Variants in DRC8 observed in about 807,000 individuals in gnomAD.
DRC8 encodes the protein dynein regulatory complex protein 8.
At chr1:245,099,319 C>A in the DRC8 span, among the ~76,000 whole-genome samples, 1 of 152,136 alleles carries the variant, frequency 6.6e-6, no homozygotes, top group Non-Finnish European at 1.5e-5. Context: ...GTTGAAGGGA[C>A]TATATCGACA....
At chr1:245,052,071 G>A in the DRC8 span, among the ~76,000 whole-genome samples, 1 of 152,072 alleles carries the variant, frequency 6.6e-6, no homozygotes, top group Non-Finnish European at 1.5e-5. Flanking sequence ...TGATAAGGAC[G>A]TTTTCTGAGA....
chr1:245,012,676 T>C, the DRC8 span, among the ~76,000 whole-genome samples: 1 of 152,088 alleles, frequency 6.6e-6, no homozygotes, highest in Non-Finnish European at 1.5e-5. Flanking sequence ...CCTCAAAATA[T>C]GTAATATTTA....
chr1:245,078,410 C>T, the DRC8 span, among the ~76,000 whole-genome samples: 1 of 152,076 alleles, frequency 6.6e-6, no homozygotes, highest in African/African-American at 2.4e-5. Context: ...TTCACAGTAG[C>T]TAAGATATGG....
chr1:245,088,919 G>A, the DRC8 span, among the ~76,000 whole-genome samples: 1 of 152,168 alleles, frequency 6.6e-6, no homozygotes, highest in African/African-American at 2.4e-5. The surrounding 1 kb of genome is among the most constrained non-coding windows in gnomAD (Gnocchi z 4.6). Context: ...AGGTGAAATT[G>A]GAGTGGTAAA....
the DRC8 span, among the ~76,000 whole-genome samples, chr1:244,974,911 C>T: frequency 6.6e-6 from 1 of 151,706 alleles, no homozygotes; most frequent in Non-Finnish European, 1.5e-5. Context: ...CTACGCTGGT[C>T]TCAAACTCTT....
At chr1:244,975,085 C>G in the DRC8 span, among the ~76,000 whole-genome samples, 1 of 152,146 alleles carries the variant, frequency 6.6e-6, no homozygotes, top group African/African-American at 2.4e-5. Flanking sequence ...TGCCTGCCAC[C>G]ACGCCCGGCT....
the DRC8 span, among the ~76,000 whole-genome samples, chr1:244,995,773 A>G: frequency 0.083 from 12,695 of 152,234 alleles, 618 homozygotes; most frequent in African/African-American, 0.13. Context: ...ACAGGTGACA[A>G]TGTTGCAAAA....
chr1:245,015,966 T>A, the DRC8 span, among the ~76,000 whole-genome samples: 1 of 79,540 alleles, frequency 1.3e-5, no homozygotes, highest in Non-Finnish European at 2.2e-5. Flanking sequence ...CCTACAGGGC[T>A]TTTTTTTTTT....
At chr1:245,000,262 C>T in the DRC8 span, among the ~76,000 whole-genome samples, 1 of 152,146 alleles carries the variant, frequency 6.6e-6, no homozygotes, top group East Asian at 1.9e-4. Flanking sequence ...CTGTACTCAC[C>T]CTTCTTGTGA....
the DRC8 span, among the ~76,000 whole-genome samples, chr1:245,085,871 T>C: frequency 6.6e-3 from 1,007 of 152,326 alleles, 14 homozygotes; most frequent in African/African-American, 0.023. Context: ...GGACTGTCTG[T>C]GGCAGGATCC....
At chr1:245,092,453 C>A in the DRC8 span, among the ~76,000 whole-genome samples, 1 of 152,192 alleles carries the variant, frequency 6.6e-6, no homozygotes, top group African/African-American at 2.4e-5. Context: ...AGTGTCACTA[C>A]CTTACCCTCC....
the DRC8 span, among the ~76,000 whole-genome samples, chr1:245,009,180 C>T: frequency 6.6e-6 from 1 of 151,630 alleles, no homozygotes; most frequent in Non-Finnish European, 1.5e-5. Context: ...GGATTACAGG[C>T]TCGCACCACC....
chr1:245,000,520 G>A, the DRC8 span, among the ~76,000 whole-genome samples: 2 of 152,046 alleles, frequency 1.3e-5, no homozygotes, highest in African/African-American at 4.8e-5. Flanking sequence ...GGTGGTTCAA[G>A]CCTGTAATCC....
At chr1:244,984,671 C>T in the DRC8 span, among the ~76,000 whole-genome samples, 2 of 151,952 alleles carry the variant, frequency 1.3e-5, no homozygotes, top group African/African-American at 4.8e-5. Flanking sequence ...CCTGTCTCTA[C>T]TAAAAGTATA....
the DRC8 span, among the ~76,000 whole-genome samples, chr1:245,077,264 C>T: frequency 6.6e-6 from 1 of 151,808 alleles, no homozygotes; most frequent in Non-Finnish European, 1.5e-5. Flanking sequence ...CATGATTAAA[C>T]ATCTACCCTA....
chr1:244,972,800 A>G, the DRC8 span, among the ~76,000 whole-genome samples: 1 of 150,434 alleles, frequency 6.6e-6, no homozygotes, highest in African/African-American at 2.5e-5. Context: ...CTGGCGACAG[A>G]GTAAGACTCC....
chr1:244,969,803 A>G, the DRC8 span: 1 of 333,550 alleles, frequency 3.0e-6, no homozygotes, highest in Non-Finnish European at 5.4e-6. Context: ...AGGACGGTGA[A>G]GACTGGACGG....
the DRC8 span, among the ~76,000 whole-genome samples, chr1:245,066,620 A>G: frequency 2.6e-5 from 4 of 152,132 alleles, no homozygotes; most frequent in Admixed American, 2.6e-4. Context: ...ACTTATAATC[A>G]TAATAGGCCA....
the DRC8 span, among the ~76,000 whole-genome samples, chr1:245,021,874 T>C: frequency 7.2e-5 from 11 of 152,208 alleles, no homozygotes; most frequent in Admixed American, 5.2e-4. Flanking sequence ...AAGCTCTCTT[T>C]ATGTTGCCCA....
Sources: allele counts gnomAD v4.1 joint callset (sites outside exome capture counted in the v4.1 genomes callset), GRCh38; gene constraint gnomAD v4.1.1; non-coding constraint Gnocchi (gnomAD v3.1); transcripts MANE v1.5; gene names NCBI Gene and HGNC (gene_info 2026-07-23, HGNC 2026-07-21).